The following CDH4 variants were observed in gnomAD, a reference collection of about 807,000 sequenced individuals.
CDH4 encodes cadherin 4.
A neutral mutation model predicts 86.0 loss-of-function variants in CDH4; 33 were observed. That is an observed-to-expected ratio of 0.38 (90% CI 0.29 to 0.51). The LOEUF is 0.51. CDH4 is among the 20% of genes least tolerant of loss of function. The pLI is 0.86. For synonymous variants in CDH4, 555 were observed against 549.4 expected, an observed-to-expected ratio of 1.01 and a Z score of -0.14; for missense variants, 1,114 against 1,307.4, an observed-to-expected ratio of 0.85 and a Z score of 2.28.
At chr20:61,912,872 T>C (rs1292877641) in intron 9 of CDH4, among the ~76,000 whole-genome samples, 1 of 152,228 alleles carries the variant, frequency 6.6e-6, no homozygotes, top group East Asian at 1.9e-4. Context: ...GACCTCAAGC[T>C]AACATTCTAG....
intron 2 of CDH4, among the ~76,000 whole-genome samples, chr20:61,525,608 T>A (rs1248074871): frequency 6.6e-6 from 1 of 152,182 alleles, no homozygotes; most frequent in Non-Finnish European, 1.5e-5. Flanking sequence ...GGAAACGGAT[T>A]GATCAGGTAG....
At chr20:61,334,508 G>C (rs1444667868) in intron 2 of CDH4, among the ~76,000 whole-genome samples, 2 of 152,160 alleles carry the variant, frequency 1.3e-5, no homozygotes, top group Non-Finnish European at 2.9e-5. Context: ...GAGGCCGGGG[G>C]GGCTGGGATC....
chr20:61,306,253 T>C (rs2084416621), intron 2 of CDH4, among the ~76,000 whole-genome samples: 1 of 152,240 alleles, frequency 6.6e-6, no homozygotes, highest in Non-Finnish European at 1.5e-5. Flanking sequence ...ACGTAAAACA[T>C]TCTAGATTCC....
At chr20:61,436,255 C>G (rs1291182742) in intron 2 of CDH4, among the ~76,000 whole-genome samples, 3 of 152,190 alleles carry the variant, frequency 2.0e-5, no homozygotes, top group African/African-American at 7.2e-5. Flanking sequence ...GATTCCATTT[C>G]AACCCCACTG....
chr20:61,654,546 A>G (rs1238553312), intron 2 of CDH4, among the ~76,000 whole-genome samples: 6 of 152,246 alleles, frequency 3.9e-5, no homozygotes, highest in South Asian at 2.1e-4. Context: ...ACACAGTCAT[A>G]TGTAAGATTC....
chr20:61,413,362 G>A (rs909511422), intron 2 of CDH4, among the ~76,000 whole-genome samples: 1 of 152,150 alleles, frequency 6.6e-6, no homozygotes. Flanking sequence ...GAGGGGAGGG[G>A]TGTGTCACCA....
intron 2 of CDH4, among the ~76,000 whole-genome samples, chr20:61,454,687 C>T (rs1292940710): frequency 2.6e-5 from 4 of 152,170 alleles, no homozygotes; most frequent in Admixed American, 6.5e-5. Context: ...CCTCGTGATC[C>T]GCCCACCTTG....
chr20:61,604,107 G>T (rs1330359759), intron 2 of CDH4, among the ~76,000 whole-genome samples: 1 of 152,212 alleles, frequency 6.6e-6, no homozygotes, highest in Non-Finnish European at 1.5e-5. Context: ...GTGTTGTTTA[G>T]ATGCTGTTAA....
At chr20:61,816,014 C>T (rs1452448400) in intron 4 of CDH4, among the ~76,000 whole-genome samples, 1 of 152,126 alleles carries the variant, frequency 6.6e-6, no homozygotes, top group African/African-American at 2.4e-5. Flanking sequence ...TCGCATAAAC[C>T]CAGGGAAGCT....
chr20:61,652,549 C>T (rs2087132862), intron 2 of CDH4, among the ~76,000 whole-genome samples: 1 of 152,036 alleles, frequency 6.6e-6, no homozygotes, highest in Non-Finnish European at 1.5e-5. Context: ...ATCTTTTTTG[C>T]ATTTGTCTAT....
intron 2 of CDH4, among the ~76,000 whole-genome samples, chr20:61,604,475 C>T (rs994238670): frequency 5.9e-5 from 9 of 152,176 alleles, no homozygotes; most frequent in South Asian, 2.1e-4. Flanking sequence ...CTCCTTTCAG[C>T]ATATTCCCAG....
At position 61,708,571 on chromosome 20, in the gene CDH4, C is replaced by T. The variant is rs1214593302; in HGVS notation, c.170-34992C>T. 6.6e-6 allele frequency among the ~76,000 whole-genome samples: 1 copy of T among 152,204 alleles called. No individual in the cohort carries two copies. The highest frequency in any genetic ancestry group is 1.9e-4 in the East Asian group (1 of 5,170). On this transcript the variant is annotated intron_variant, in intron 2 of 15. Coordinates refer to ENST00000614565, the MANE Select transcript of CDH4 (RefSeq NM_001794.5). The surrounding 1 kb of genome is among the most constrained non-coding windows in gnomAD (Gnocchi z 4.5). The stretch of plus-strand genomic sequence containing the variant: ...GCAGGCTCTTTGCCCCCCACTTCCC[C>T]AGCCCTGCTCCCTCCAGCCTCATGC...
intron 2 of CDH4, among the ~76,000 whole-genome samples, chr20:61,688,245 C>T (rs1315647134): frequency 1.3e-5 from 2 of 152,072 alleles, no homozygotes; most frequent in Admixed American, 6.6e-5. Context: ...TTGAGCAATA[C>T]CATGCAAATA....
Position 61,398,463 on chromosome 20 carries a change from A to G in CDH4, c.169+143526A>G, listed in dbSNP as rs571184255. On this transcript the variant is annotated intron_variant, in intron 2 of 15. Transcript: ENST00000614565. ...GATTTCTTTTAAGGACTAGGCCCCA[A>G]GGGCATGGGGTCTGGCAAGTCTGAA... Among the ~76,000 whole-genome samples, 3 of 152,338 alleles carry G rather than the reference A, an allele frequency of 2.0e-5. No individual in the cohort carries two copies. The South Asian group carries it at 6.2e-4, about 32-fold the overall frequency.
intron 2 of CDH4, among the ~76,000 whole-genome samples, chr20:61,678,583 A>C (rs2087472541): frequency 6.6e-6 from 1 of 152,228 alleles, no homozygotes; most frequent in Admixed American, 6.5e-5. Context: ...TGCAGTAACA[A>C]GTGCCACCAA....
chr20:61,657,403 T>G (rs988810463), intron 2 of CDH4, among the ~76,000 whole-genome samples: 1 of 152,228 alleles, frequency 6.6e-6, no homozygotes, highest in Admixed American at 6.5e-5. Context: ...TTCTATAGTT[T>G]AGGGGTTATA....
chr20:61,597,258 T>G (rs1378027017), intron 2 of CDH4, among the ~76,000 whole-genome samples: 2 of 152,248 alleles, frequency 1.3e-5, no homozygotes, highest in African/African-American at 4.8e-5. Flanking sequence ...ATCTACAGAC[T>G]GAGAACCCTT....
At chr20:61,793,709 A>T (rs527868710) in intron 4 of CDH4, among the ~76,000 whole-genome samples, 3 of 151,890 alleles carry the variant, frequency 2.0e-5, no homozygotes, top group African/African-American at 7.3e-5. Context: ...GCATGGTGGC[A>T]GACACCTGTA....
chr20:61,283,537 A>G (rs112837305), intron 2 of CDH4, among the ~76,000 whole-genome samples: 7,897 of 29,186 alleles, frequency 0.27, 1,504 homozygotes, highest in Admixed American at 0.34. Flanking sequence ...AGGTGCATTT[A>G]CACGCGTGTG....
Sources: gnomAD v4.1 joint callset for allele counts (sites outside exome capture counted in the v4.1 genomes callset) on GRCh38, gnomAD v4.1.1 for gene constraint, Gnocchi (gnomAD v3.1) non-coding constraint, MANE v1.5 for transcripts, NCBI Gene and HGNC (gene_info 2026-07-23, HGNC 2026-07-21) for gene names.